TEX9: variants seen among roughly 807,000 people sequenced by gnomAD.
The protein encoded by TEX9 is testis expressed 9, also known as testis-expressed protein 9.
TEX9 carries 74 observed loss-of-function variants against 59.6 expected under a neutral mutation model. The observed-to-expected ratio is 1.24, with a 90% CI of 1.03 to 1.51. TEX9 has a LOEUF of 1.51. Among genes scored for constraint, TEX9 ranks in the 40% most tolerant of loss-of-function variants. The pLI is 0.00. For missense variants in TEX9, 522 were observed against 447.8 expected, an observed-to-expected ratio of 1.17 and a Z score of -1.49; for synonymous variants, 186 against 152.2, an observed-to-expected ratio of 1.22 and a Z score of -1.64.
chr15:56,320,405 G>T (rs896720338), intron 1 of TEX9, among the ~76,000 whole-genome samples: 15 of 152,150 alleles, frequency 9.9e-5, no homozygotes, highest in Non-Finnish European at 1.9e-4. Context: ...TTCTGGTAAG[G>T]GCTCTCTTCC....
At chr15:56,319,105 T>C (rs542994964) in intron 1 of TEX9, among the ~76,000 whole-genome samples, 55 of 152,188 alleles carry the variant, frequency 3.6e-4, no homozygotes, top group Non-Finnish European at 1.2e-4. Flanking sequence ...GTTTCACAAG[T>C]GAAATTTTAA....
At chr15:56,301,504 G>A (rs919204645) in intron 1 of TEX9, among the ~76,000 whole-genome samples, 4 of 151,690 alleles carry the variant, frequency 2.6e-5, no homozygotes, top group East Asian at 1.9e-4. Context: ...AATCAAACTC[G>A]CAATGGTCAA....
chr15:56,373,440 G>A lies in TEX9; in HGVS notation c.120-1G>A, dbSNP rs1419252529. The stretch of plus-strand genomic sequence containing the variant: ...ATATCCCAATTATTTTCTGCTTTTA[G>A]GCGTTTAAATGCAGAATTGCAGGCA... On this transcript the variant is annotated splice_acceptor_variant, in intron 2 of 12. Coordinates refer to ENST00000352903, the Ensembl canonical transcript of TEX9. LOFTEE classifies it high-confidence loss of function. 2.5e-6 allele frequency: 4 copies of A among 1,588,630 alleles called. No homozygotes were observed. The East Asian group carries it at 9.3e-5, about 37-fold the overall frequency.
chr15:56,346,551 A>G (rs1305049844), intron 1 of TEX9, among the ~76,000 whole-genome samples: 1 of 152,200 alleles, frequency 6.6e-6, no homozygotes, highest in Non-Finnish European at 1.5e-5. Flanking sequence ...CAAAGTCTTG[A>G]GTCTTCTAAC....
intron 1 of TEX9, among the ~76,000 whole-genome samples, chr15:56,310,681 A>G (rs1228135552): frequency 3.3e-5 from 5 of 152,182 alleles, no homozygotes; most frequent in Non-Finnish European, 7.3e-5. Flanking sequence ...TGGACAGGTT[A>G]AAGATAGGTG....
chr15:56,372,623 C>A (rs1001417289), intron 2 of TEX9, among the ~76,000 whole-genome samples: 6 of 152,042 alleles, frequency 3.9e-5, no homozygotes, highest in African/African-American at 1.4e-4. Context: ...CTAAAGATTA[C>A]GTGAAGATAG....
intron 1 of TEX9, among the ~76,000 whole-genome samples, chr15:56,269,694 C>T (rs1567068189): frequency 6.7e-6 from 1 of 149,934 alleles, no homozygotes; most frequent in African/African-American, 2.5e-5. Context: ...GCTCTGTCTC[C>T]CAGGCTGGAG....
At chr15:56,419,714 T>A (rs1344613579) in intron 10 of TEX9, among the ~76,000 whole-genome samples, 1 of 151,844 alleles carries the variant, frequency 6.6e-6, no homozygotes, top group Non-Finnish European at 1.5e-5. Flanking sequence ...TATACATTAT[T>A]TTCATCTTTA....
chr15:56,321,428 T>C (rs975759379), intron 1 of TEX9, among the ~76,000 whole-genome samples: 1 of 152,192 alleles, frequency 6.6e-6, no homozygotes, highest in Non-Finnish European at 1.5e-5. Flanking sequence ...GCAGACATCA[T>C]TAGAGTAACC....
At chr15:56,438,509 A>G (rs1596257790) in intron 12 of TEX9, among the ~76,000 whole-genome samples, 1 of 152,156 alleles carries the variant, frequency 6.6e-6, no homozygotes, top group Non-Finnish European at 1.5e-5. Context: ...TGGATTAAAG[A>G]CTTACATGTT....
At chr15:56,432,839 A>G (rs1295975954) in intron 12 of TEX9, among the ~76,000 whole-genome samples, 1 of 151,970 alleles carries the variant, frequency 6.6e-6, no homozygotes, top group Non-Finnish European at 1.5e-5. Flanking sequence ...CATTATTTTG[A>G]CTCCTACTTT....
At chr15:56,422,752 G>A (rs2050044692) in intron 10 of TEX9, among the ~76,000 whole-genome samples, 1 of 151,800 alleles carries the variant, frequency 6.6e-6, no homozygotes, top group East Asian at 1.9e-4. Context: ...ACCTATCCAT[G>A]AACTCTTTTC....
At chr15:56,265,774 T>C (rs2141365430) in intron 1 of TEX9, among the ~76,000 whole-genome samples, 1 of 152,334 alleles carries the variant, frequency 6.6e-6, no homozygotes, top group African/African-American at 2.4e-5. Flanking sequence ...TCTATCTTGG[T>C]GAAGGTTTCA....
At chr15:56,440,765 C>G (rs2050803208) in intron 12 of TEX9, among the ~76,000 whole-genome samples, 1 of 152,110 alleles carries the variant, frequency 6.6e-6, no homozygotes, top group Non-Finnish European at 1.5e-5. Context: ...GAGGCACATA[C>G]TTTTAAATTT....
rs555590139 is a variant in TEX9, at chr15:56,431,317, G to GT, written c.*29+2851dup. On this transcript the variant is annotated intron_variant, in intron 12 of 12. Coordinates refer to ENST00000352903, the Ensembl canonical transcript of TEX9. ...AGGCACTCTAAAATCCAAATACCAT[G>GT]TTTTTTTCACTATTACAGGTCATGA... The GT allele has an allele frequency of 1.0e-3, 1,576 of 1,577,076 alleles. 4 individuals carry two copies. The Middle Eastern group carries it at 0.012, about 12-fold the overall frequency.
At chr15:56,384,222 G>A (rs1469455539) in intron 4 of TEX9, among the ~76,000 whole-genome samples, 191 bp downstream of exon 4, 4 of 152,164 alleles carry the variant, frequency 2.6e-5, no homozygotes, top group African/African-American at 7.2e-5. Flanking sequence ...ATTTTGAAAT[G>A]TATATTCTTG....
intron 10 of TEX9, among the ~76,000 whole-genome samples, chr15:56,423,023 AC>A (rs2050057257): frequency 6.6e-6 from 1 of 152,184 alleles, no homozygotes; most frequent in African/African-American, 2.4e-5. Context: ...GTATTTACAT[AC>A]CACATTTTGT....
At chr15:56,264,022 G>T (rs1397201495) in intron 1 of TEX9, among the ~76,000 whole-genome samples, 2 of 152,122 alleles carry the variant, frequency 1.3e-5, no homozygotes, top group African/African-American at 2.4e-5. Context: ...AGTCTTTGGT[G>T]ACTTTGGAAA....
the TEX9 span, among the ~76,000 whole-genome samples, chr15:56,451,116 G>C: frequency 6.6e-6 from 1 of 152,134 alleles, no homozygotes; most frequent in Admixed American, 6.6e-5. Flanking sequence ...ATATATTTCA[G>C]ATATTAAATC....
Sources: allele counts gnomAD v4.1 joint callset (sites outside exome capture counted in the v4.1 genomes callset), GRCh38; gene constraint gnomAD v4.1.1; transcripts MANE v1.5; gene names NCBI Gene and HGNC (gene_info 2026-07-23, HGNC 2026-07-21).